TAF8: variants seen among roughly 807,000 people sequenced by gnomAD.
The protein encoded by TAF8 is transcription initiation factor TFIID subunit 8.
In TAF8, 47 loss-of-function variants were observed where a neutral mutation model predicts 36.5. The ratio of observed to expected loss-of-function variants is 1.29; its 90% CI spans 1.02 to 1.64. TAF8 has a LOEUF of 1.64. TAF8 is among the 40% of genes most tolerant of loss of function. TAF8 has a pLI of 0.00. For synonymous variants in TAF8, 175 were observed against 159.5 expected, an observed-to-expected ratio of 1.10 and a Z score of -0.73; for missense variants, 420 against 407.6, an observed-to-expected ratio of 1.03 and a Z score of -0.26.
At chr6:42,053,944 T>TGGTGGTA (rs1034006617) in intron 2 of TAF8, among the ~76,000 whole-genome samples, 1 of 152,198 alleles carries the variant, frequency 6.6e-6, no homozygotes, top group Non-Finnish European at 1.5e-5. Context: ...GCAGGGGGGT[T>TGGTGGTA]GGTGGTAGGT....
chr6:42,070,872 C>G (rs1390198675), intron 7 of TAF8, among the ~76,000 whole-genome samples: 1 of 152,102 alleles, frequency 6.6e-6, no homozygotes, highest in Non-Finnish European at 1.5e-5. Flanking sequence ...GAGGGACTAG[C>G]CTTCTTCTGG....
intron 7 of TAF8, among the ~76,000 whole-genome samples, chr6:42,075,948 G>A (rs1361353716): frequency 3.3e-5 from 5 of 152,296 alleles, no homozygotes; most frequent in East Asian, 3.9e-4. Context: ...GGTGGCTCAC[G>A]CCTGTAATCC....
intron 4 of TAF8, among the ~76,000 whole-genome samples, chr6:42,056,567 G>C (rs144369544): frequency 1.3e-4 from 20 of 152,214 alleles, no homozygotes; most frequent in African/African-American, 4.6e-4. Context: ...ACCAGTTTGG[G>C]CTTGTAGGAC....
At chr6:42,072,222 A>G (rs539613790) in intron 7 of TAF8, among the ~76,000 whole-genome samples, 4 of 152,246 alleles carry the variant, frequency 2.6e-5, no homozygotes, top group Admixed American at 6.5e-5. Context: ...GTTTTAGGCT[A>G]TCTAACCATA....
chr6:42,066,310 A>G lies in TAF8; in HGVS notation c.490-2A>G. 1 of 1,613,766 alleles carries G rather than the reference A, an allele frequency of 6.2e-7. No individual in the cohort carries two copies. Among genetic ancestry groups the G allele is most frequent in the Non-Finnish European group, 8.5e-7 (1 of 1,180,012 alleles). ...CCAGTGTCTTTGCTGCTCTCTTCGT[A>G]GACGTACCGTGAGCCCGTGTCAGAC... is the stretch of plus-strand genomic sequence containing the variant. On this transcript the variant is annotated splice_acceptor_variant, in intron 5 of 8. Coordinates refer to ENST00000372977, the MANE Select transcript of TAF8 (RefSeq NM_138572.3). LOFTEE classifies it high-confidence loss of function.
At chr6:42,053,967 G>A (rs937028565) in intron 2 of TAF8, among the ~76,000 whole-genome samples, 1 of 152,136 alleles carries the variant, frequency 6.6e-6, no homozygotes, top group Non-Finnish European at 1.5e-5. Flanking sequence ...TAGGTCTCTT[G>A]TTAGACACCC....
intron 5 of TAF8, among the ~76,000 whole-genome samples, chr6:42,059,042 C>T (rs919110000): frequency 5.3e-5 from 8 of 151,832 alleles, no homozygotes; most frequent in South Asian, 2.1e-4. Context: ...TGTGGTAGGT[C>T]GGGGGAAGCC....
At chr6:42,064,103 C>T (rs1765273934) in intron 5 of TAF8, among the ~76,000 whole-genome samples, 1 of 151,974 alleles carries the variant, frequency 6.6e-6, no homozygotes, top group Non-Finnish European at 1.5e-5. Context: ...ACTCATTATC[C>T]AAAGAATTTG....
intron 5 of TAF8, among the ~76,000 whole-genome samples, chr6:42,065,637 G>A (rs1765334589): frequency 6.6e-6 from 1 of 152,140 alleles, no homozygotes; most frequent in South Asian, 2.1e-4. Context: ...GTCACATTGC[G>A]CTGATGGAAC....
intron 7 of TAF8, among the ~76,000 whole-genome samples, chr6:42,072,585 A>G (rs1765616412): frequency 6.6e-6 from 1 of 152,202 alleles, no homozygotes; most frequent in African/African-American, 2.4e-5. Flanking sequence ...GAGGAGGCGC[A>G]TCGTTCCTCA....
At chr6:42,050,819 A>T in intron 1 of TAF8, 3 of 952,256 alleles carry the variant, frequency 3.2e-6, no homozygotes, top group Non-Finnish European at 4.3e-6. Flanking sequence ...GGAGCCCGGA[A>T]CACCCCCGAT....
chr6:42,061,977 G>A (rs1049778423), intron 5 of TAF8, among the ~76,000 whole-genome samples: 9 of 152,120 alleles, frequency 5.9e-5, no homozygotes, highest in African/African-American at 1.9e-4. Flanking sequence ...CTCTGTTAGA[G>A]GAGACTTAGC....
Position 42,079,154 on chromosome 6 carries a change from G to A in TAF8, c.*1609G>A. On this transcript the variant is annotated 3_prime_UTR_variant, in exon 9 of 9. Coordinates refer to ENST00000372977, the MANE Select transcript of TAF8 (RefSeq NM_138572.3). ...TAAAAAAAGGATAAAGTAAACAATA[G>A]GAAAGGATTTGGTGGGGTGAGGGTG... The A allele has an allele frequency of 1.0e-6, 1 of 984,066 alleles. No individual in the cohort carries two copies. Among genetic ancestry groups the A allele is most frequent in the Non-Finnish European group, 1.2e-6 (1 of 828,716 alleles). The allele number at this position is 984,066 out of a possible 1,614,324, so 61.0% of individuals were successfully genotyped here. A position where few individuals can be genotyped will look rare whatever the true frequency, so the allele number is the denominator to read the frequency against.
intron 7 of TAF8, 124 bp from the exon 8 acceptor site, chr6:42,076,976 G>C: frequency 4.0e-6 from 5 of 1,252,132 alleles, no homozygotes; most frequent in Non-Finnish European, 5.5e-6. Flanking sequence ...AGGAATGTTG[G>C]AAAGAAGGTG....
intron 7 of TAF8, among the ~76,000 whole-genome samples, chr6:42,076,067 ATG>A (rs1189764324): frequency 6.6e-6 from 1 of 151,826 alleles, no homozygotes; most frequent in Non-Finnish European, 1.5e-5. Context: ...ACTTAGCGGG[ATG>A]TGGTGGCAGG....
At chr6:42,058,337 G>A (rs993195028) in intron 5 of TAF8, among the ~76,000 whole-genome samples, 23 of 152,130 alleles carry the variant, frequency 1.5e-4, no homozygotes, top group Non-Finnish European at 2.4e-4. Context: ...CTGAGATTGC[G>A]CCACTGCACT....
intron 7 of TAF8, among the ~76,000 whole-genome samples, chr6:42,075,642 A>C (rs561627089): frequency 6.6e-6 from 1 of 152,272 alleles, no homozygotes; most frequent in African/African-American, 2.4e-5. Flanking sequence ...AAGTTGCAGA[A>C]CAGGAATCTC....
intron 7 of TAF8, 51 bp downstream of exon 7, chr6:42,068,658 C>T: frequency 1.9e-6 from 3 of 1,596,690 alleles, no homozygotes; most frequent in South Asian, 2.2e-5. Flanking sequence ...CTGTCGCACA[C>T]TGCCCTCAGT....
chr6:42,074,480 G>A (rs1391952760), intron 7 of TAF8, among the ~76,000 whole-genome samples: 1 of 152,180 alleles, frequency 6.6e-6, no homozygotes, highest in Admixed American at 6.5e-5. Flanking sequence ...GGGAGCTCCT[G>A]ACGGACCATT....
Sources: allele counts gnomAD v4.1 joint callset (sites outside exome capture counted in the v4.1 genomes callset), GRCh38; gene constraint gnomAD v4.1.1; transcripts MANE v1.5; gene names NCBI Gene and HGNC (gene_info 2026-07-23, HGNC 2026-07-21).